Variants in MAGI1 observed in about 807,000 individuals in gnomAD.
MAGI1 encodes the protein membrane-associated guanylate kinase, WW and PDZ domain-containing protein 1.
In MAGI1, 58 loss-of-function variants were observed where a neutral mutation model predicts 139.9. The observed-to-expected ratio is 0.41, with a 90% CI of 0.34 to 0.52. The LOEUF is 0.52. Ranked by LOEUF, MAGI1 falls within the 20% of genes least tolerant of loss-of-function variation. The pLI is 0.12. For missense variants in MAGI1, 1,874 were observed against 1,901.6 expected, an observed-to-expected ratio of 0.99 and a Z score of 0.27; for synonymous variants, 812 against 737.9, an observed-to-expected ratio of 1.10 and a Z score of -1.63.
At chr3:65,723,634 G>C (rs1239067763) in intron 1 of MAGI1, among the ~76,000 whole-genome samples, 1 of 152,206 alleles carries the variant, frequency 6.6e-6, no homozygotes, top group African/African-American at 2.4e-5. Flanking sequence ...AGCAACATCA[G>C]TCGACACAGA....
At chr3:65,550,805 A>AC (rs2079789595) in intron 2 of MAGI1, among the ~76,000 whole-genome samples, 1 of 151,496 alleles carries the variant, frequency 6.6e-6, no homozygotes, top group Admixed American at 6.6e-5. Flanking sequence ...TGTCCACAAA[A>AC]AAAAAAAATA....
intron 1 of MAGI1, among the ~76,000 whole-genome samples, chr3:65,995,659 C>T (rs1157534352): frequency 1.3e-5 from 2 of 152,116 alleles, no homozygotes; most frequent in African/African-American, 4.8e-5. Context: ...AAGCACATTC[C>T]TGAAGCAGCA....
intron 1 of MAGI1, 31 bp from the exon 2 acceptor site, chr3:65,622,119 C>T: frequency 1.4e-6 from 2 of 1,455,540 alleles, no homozygotes; most frequent in Non-Finnish European, 1.9e-6. Context: ...AGACATACCA[C>T]ATCAACACAG....
At chr3:65,822,754 T>C (rs1025281196) in intron 1 of MAGI1, among the ~76,000 whole-genome samples, 2 of 151,926 alleles carry the variant, frequency 1.3e-5, no homozygotes, top group Admixed American at 1.3e-4. Context: ...GAAGATAGAG[T>C]GTGAGGGTAG....
intron 2 of MAGI1, among the ~76,000 whole-genome samples, chr3:65,587,536 T>C (rs2081748393): frequency 6.9e-6 from 1 of 144,892 alleles, no homozygotes; most frequent in Non-Finnish European, 1.5e-5. Context: ...CAGGCTGGAG[T>C]GCACTGGTGC....
chr3:65,529,486 T>G (rs1009857230), intron 2 of MAGI1, among the ~76,000 whole-genome samples: 8 of 152,232 alleles, frequency 5.3e-5, no homozygotes, highest in Non-Finnish European at 1.5e-5. Context: ...AGTGTGATGT[T>G]TCTTATAGTG....
At chr3:65,969,341 CTG>C (rs1345127269) in intron 1 of MAGI1, among the ~76,000 whole-genome samples, 1 of 152,170 alleles carries the variant, frequency 6.6e-6, no homozygotes, top group Non-Finnish European at 1.5e-5. Flanking sequence ...TGGTATGGTT[CTG>C]TGTTAGGGGC....
intron 1 of MAGI1, among the ~76,000 whole-genome samples, chr3:65,869,114 G>A (rs1389468028): frequency 6.6e-6 from 1 of 151,414 alleles, no homozygotes; most frequent in Non-Finnish European, 1.5e-5. Context: ...AATTAGCAGG[G>A]CGTGGTGGCA....
At chr3:65,775,570 C>T (rs557074831) in intron 1 of MAGI1, among the ~76,000 whole-genome samples, 2 of 134,888 alleles carry the variant, frequency 1.5e-5, no homozygotes, top group South Asian at 4.8e-4. Flanking sequence ...AATGGATATG[C>T]AGACAAAAAA....
At chr3:65,461,169 T>C (rs556072112) in intron 5 of MAGI1, among the ~76,000 whole-genome samples, 35 of 152,236 alleles carry the variant, frequency 2.3e-4, no homozygotes, top group African/African-American at 7.7e-4. Flanking sequence ...CCACCAACAG[T>C]GTAAAAGCAT....
At chr3:65,719,690 C>A (rs1286059869) in intron 1 of MAGI1, among the ~76,000 whole-genome samples, 1 of 152,028 alleles carries the variant, frequency 6.6e-6, no homozygotes, top group Non-Finnish European at 1.5e-5. Flanking sequence ...GGACCACAGG[C>A]ACACACCACC....
At chr3:65,745,166 G>C (rs990848611) in intron 1 of MAGI1, among the ~76,000 whole-genome samples, 1 of 152,026 alleles carries the variant, frequency 6.6e-6, no homozygotes, top group Non-Finnish European at 1.5e-5. Context: ...TTTTTACAAT[G>C]GAAATGTTAT....
intron 17 of MAGI1, 67 bp from the exon 18 acceptor site, chr3:65,376,012 G>T: frequency 8.6e-7 from 1 of 1,157,378 alleles, no homozygotes; most frequent in East Asian, 2.4e-5. Context: ...AAGAGAAAAA[G>T]GGTTGAAAAG....
chr3:65,570,073 C>CACT (rs1479755650), intron 2 of MAGI1, among the ~76,000 whole-genome samples: 1 of 136,364 alleles, frequency 7.3e-6, no homozygotes, highest in African/African-American at 2.7e-5. Context: ...TCTTTATTAT[C>CACT]ATTATTATTA....
chr3:65,617,288 T>C (rs2083427954), intron 2 of MAGI1, among the ~76,000 whole-genome samples: 1 of 152,150 alleles, frequency 6.6e-6, no homozygotes, highest in South Asian at 2.1e-4. Context: ...AAAAGAAAGA[T>C]GACAGTTGAG....
chr3:65,853,753 T>G (rs1366054277), intron 1 of MAGI1, among the ~76,000 whole-genome samples: 1 of 152,188 alleles, frequency 6.6e-6, no homozygotes, highest in East Asian at 1.9e-4. Flanking sequence ...TGATGCATTT[T>G]GCTGCTGATA....
At chr3:65,950,073 A>AAAAC (rs2063740878) in intron 1 of MAGI1, among the ~76,000 whole-genome samples, 1 of 95,806 alleles carries the variant, frequency 1.0e-5, no homozygotes, top group African/African-American at 3.7e-5. Context: ...AAAACAAAAA[A>AAAAC]AAAACAAAAA....
At chr3:65,662,605 A>G (rs2086262356) in intron 1 of MAGI1, among the ~76,000 whole-genome samples, 1 of 152,164 alleles carries the variant, frequency 6.6e-6, no homozygotes, top group South Asian at 2.1e-4. Flanking sequence ...TATTGTATCA[A>G]TTTAAGTTGT....
chr3:65,803,836 C>T lies in MAGI1; in HGVS notation c.314-181748G>A, dbSNP rs138863851. Among the ~76,000 whole-genome samples, 3 of 152,266 alleles carry T rather than the reference C, an allele frequency of 2.0e-5. No individual in the cohort carries two copies. The East Asian group carries it at 5.8e-4, about 29-fold the overall frequency. On this transcript the variant is annotated intron_variant, in intron 1 of 22. Transcript: ENST00000402939. ...GGCCATTATGCTTAGCAAACTCATA[C>T]AAGAAGAGAAAACCAAGTACTGAAA...
Sources: gnomAD v4.1 joint callset for allele counts (sites outside exome capture counted in the v4.1 genomes callset) on GRCh38, gnomAD v4.1.1 for gene constraint, MANE v1.5 for transcripts, NCBI Gene and HGNC (gene_info 2026-07-23, HGNC 2026-07-21) for gene names.